RPS6KA5: variants seen among roughly 807,000 people sequenced by gnomAD.
RPS6KA5 encodes ribosomal protein S6 kinase A5, also known as ribosomal protein S6 kinase alpha-5.
Under a neutral mutation model 85.5 loss-of-function variants are expected in RPS6KA5, and 27 were observed. That is an observed-to-expected ratio of 0.32 (90% CI 0.23 to 0.44). RPS6KA5 has a LOEUF of 0.44. Among genes scored for constraint, RPS6KA5 ranks in the 20% least tolerant of loss-of-function variants. RPS6KA5 has a pLI of 1.00. For missense variants in RPS6KA5, 811 were observed against 980.9 expected, an observed-to-expected ratio of 0.83 and a Z score of 2.31; for synonymous variants, 334 against 348.2, an observed-to-expected ratio of 0.96 and a Z score of 0.46.
chr14:90,975,730 T>C (rs1048823722), intron 3 of RPS6KA5, among the ~76,000 whole-genome samples: 1 of 152,230 alleles, frequency 6.6e-6, no homozygotes, highest in Admixed American at 6.5e-5. Context: ...ACTGACCTAG[T>C]GTGCATTAGG....
At chr14:91,048,493 T>C (rs1000466883) in intron 1 of RPS6KA5, among the ~76,000 whole-genome samples, 2 of 152,076 alleles carry the variant, frequency 1.3e-5, no homozygotes, top group Non-Finnish European at 2.9e-5. Flanking sequence ...GCCTACTGAA[T>C]ACTTTTTTAA....
rs76561212 is a variant in RPS6KA5 at position 90,882,131 on chromosome 14, T to C, written c.1837-6771A>G. 7.0e-4 allele frequency among the ~76,000 whole-genome samples: 106 copies of C among 152,362 alleles called. No individual in the cohort carries two copies. In the East Asian group the frequency reaches 0.014, roughly 20 times the overall value. ...ATAAAACATTTAAATTCCTTTCTTT[T>C]TTCTTTTTGTATATATTCTATAGCT... is the stretch of plus-strand genomic sequence containing the variant. On this transcript the variant is annotated intron_variant, in intron 14 of 16. Coordinates refer to ENST00000614987, the MANE Select transcript of RPS6KA5 (RefSeq NM_004755.4).
chr14:91,003,909 A>T (rs1263376179), intron 1 of RPS6KA5, among the ~76,000 whole-genome samples: 1 of 152,250 alleles, frequency 6.6e-6, no homozygotes, highest in African/African-American at 2.4e-5. Flanking sequence ...GCAAGATTCC[A>T]GTAAACAATC....
intron 1 of RPS6KA5, among the ~76,000 whole-genome samples, chr14:91,006,174 A>G (rs1002245573): frequency 6.6e-6 from 1 of 152,204 alleles, no homozygotes. Flanking sequence ...GGCACAATTA[A>G]TAGGTAGACT....
intron 2 of RPS6KA5, among the ~76,000 whole-genome samples, chr14:90,995,486 A>G (rs78329530): frequency 2.6e-4 from 40 of 152,138 alleles, no homozygotes; most frequent in African/African-American, 8.9e-4. Context: ...TTACTGTTTT[A>G]CTGAGCAGTA....
chr14:91,059,357 A>T (rs2043514138), intron 1 of RPS6KA5, among the ~76,000 whole-genome samples: 1 of 151,774 alleles, frequency 6.6e-6, no homozygotes, highest in African/African-American at 2.4e-5. Flanking sequence ...AAAAAAAAAA[A>T]TCCCAATATG....
chr14:90,951,603 G>A (rs543888053), intron 3 of RPS6KA5, among the ~76,000 whole-genome samples: 3 of 152,252 alleles, frequency 2.0e-5, no homozygotes, highest in Non-Finnish European at 2.9e-5. Flanking sequence ...AAAATGACTC[G>A]TGGTTTAATA....
chr14:90,878,435 T>G (rs1285012674), intron 14 of RPS6KA5, among the ~76,000 whole-genome samples: 2 of 152,150 alleles, frequency 1.3e-5, no homozygotes, highest in African/African-American at 2.4e-5. Context: ...AGAATCCTAT[T>G]TCCCTGACTC....
rs140279346 is a variant in RPS6KA5 at position 90,919,708 on chromosome 14, T to C, written c.806+498A>G. On this transcript the variant is annotated intron_variant, in intron 7 of 16. Coordinates refer to ENST00000614987, the MANE Select transcript of RPS6KA5 (RefSeq NM_004755.4). ...ATAATTATAAACAAAAATGCAACAC[T>C]GCAACTGTGATAGCTGCTCTGAAAG... 1.7e-3 allele frequency among the ~76,000 whole-genome samples: 255 copies of C among 152,290 alleles called. 3 individuals are homozygous for C. Among genetic ancestry groups the C allele is most frequent in the African/African-American group, 5.8e-3 (243 of 41,562 alleles).
At chr14:91,046,456 G>A (rs971653949) in intron 1 of RPS6KA5, among the ~76,000 whole-genome samples, 2 of 152,194 alleles carry the variant, frequency 1.3e-5, no homozygotes, top group Non-Finnish European at 2.9e-5. Context: ...AATCATGGGA[G>A]TGGGCTAGTG....
At chr14:90,947,690 A>C in intron 3 of RPS6KA5, 140 bp from the exon 4 acceptor site, 1 of 539,912 alleles carries the variant, frequency 1.9e-6, no homozygotes, top group East Asian at 3.0e-5. Flanking sequence ...AGTATCATGT[A>C]GATAGAGTTC....
intron 2 of RPS6KA5, among the ~76,000 whole-genome samples, chr14:91,000,612 G>A (rs11846905): frequency 0.018 from 2,747 of 152,044 alleles, 62 homozygotes; most frequent in African/African-American, 0.064. Context: ...ACCTGGCCTC[G>A]AACAACATGG....
intron 3 of RPS6KA5, among the ~76,000 whole-genome samples, chr14:90,950,472 A>C (rs2038115184): frequency 6.6e-6 from 1 of 152,132 alleles, no homozygotes; most frequent in South Asian, 2.1e-4. Flanking sequence ...TGTTCCTGAT[A>C]TTAGGGGGAA....
Position 90,879,141 on chromosome 14 carries a change from T to C in RPS6KA5, c.1837-3781A>G, listed in dbSNP as rs573484762. ...ATGTGATCCCAAGAGCAGTGCATCA[T>C]GTGCTAAGATCAGCAGATGCCTTGA... is the stretch of plus-strand genomic sequence containing the variant. On this transcript the variant is annotated intron_variant, in intron 14 of 16. Transcript: ENST00000614987. 2.9e-4 allele frequency among the ~76,000 whole-genome samples: 44 copies of C among 152,344 alleles called. 2 individuals carry two copies. The highest frequency in any genetic ancestry group is 2.7e-3 in the Admixed American group (41 of 15,306).
At chr14:91,024,136 T>C (rs536227955) in intron 1 of RPS6KA5, among the ~76,000 whole-genome samples, 33 of 152,348 alleles carry the variant, frequency 2.2e-4, no homozygotes, top group African/African-American at 1.2e-4. Flanking sequence ...TTATTAAATT[T>C]GTATTTAAAT....
chr14:90,877,621 C>T (rs2033564109), intron 14 of RPS6KA5, among the ~76,000 whole-genome samples: 1 of 152,228 alleles, frequency 6.6e-6, no homozygotes, highest in Admixed American at 6.5e-5. Context: ...TGCAGTTCCC[C>T]ATATTCCAAT....
chr14:90,877,091 C>A (rs1250927339), intron 14 of RPS6KA5, among the ~76,000 whole-genome samples: 1 of 152,070 alleles, frequency 6.6e-6, no homozygotes. Context: ...CCAGATGCAG[C>A]AGGAAGAGAA....
At chr14:90,916,902 A>T (rs564352293) in intron 7 of RPS6KA5, among the ~76,000 whole-genome samples, 2 of 152,376 alleles carry the variant, frequency 1.3e-5, no homozygotes, top group Admixed American at 1.3e-4. Flanking sequence ...TTAAATGTGA[A>T]CATTACTTTG....
intron 1 of RPS6KA5, among the ~76,000 whole-genome samples, chr14:91,020,610 C>A (rs1403152413): frequency 2.7e-5 from 1 of 36,540 alleles, no homozygotes; most frequent in Non-Finnish European, 6.1e-5. Flanking sequence ...ATGTATATAT[C>A]CTATTGTGTG....
Sources: gnomAD v4.1 joint callset for allele counts (sites outside exome capture counted in the v4.1 genomes callset) on GRCh38, gnomAD v4.1.1 for gene constraint, MANE v1.5 for transcripts, NCBI Gene and HGNC (gene_info 2026-07-23, HGNC 2026-07-21) for gene names.